Variants in SAMHD1 observed in about 807,000 individuals in gnomAD.
The protein encoded by SAMHD1 is deoxynucleoside triphosphate triphosphohydrolase SAMHD1.
Under a neutral mutation model 79.6 loss-of-function variants are expected in SAMHD1, and 54 were observed. The observed-to-expected ratio is 0.68, with a 90% CI of 0.55 to 0.85. The LOEUF is 0.85. Ranked by LOEUF, SAMHD1 falls within the 40% of genes least tolerant of loss-of-function variation. SAMHD1 has a pLI of 0.00. For synonymous variants in SAMHD1, 260 were observed against 264.1 expected (o/e 0.98, Z 0.15); for missense variants, 663 against 782.7 (o/e 0.85, Z 1.82).
intron 6 of SAMHD1, among the ~76,000 whole-genome samples, chr20:36,919,741 T>C (rs2063494837): frequency 6.6e-6 from 1 of 152,216 alleles, no homozygotes; most frequent in African/African-American, 2.4e-5. Context: ...TTCATAAACA[T>C]ATTTAATGCA....
intron 6 of SAMHD1, 168 bp downstream of exon 6, chr20:36,927,014 T>C (rs1476784087): frequency 1.6e-6 from 1 of 610,834 alleles, no homozygotes; most frequent in Non-Finnish European, 2.9e-6. Flanking sequence ...CAGACTACTG[T>C]GAGAACCAAA....
At chr20:36,906,238 G>T (rs370352498) in intron 11 of SAMHD1, among the ~76,000 whole-genome samples, 2 of 152,204 alleles carry the variant, frequency 1.3e-5, no homozygotes, top group South Asian at 4.1e-4. Context: ...AGGAGCTTGA[G>T]ACCAGCCTGG....
chr20:36,904,282 C>A (rs1421660956), intron 12 of SAMHD1, 33 bp from the exon 13 acceptor site: 4 of 1,420,278 alleles, frequency 2.8e-6, no homozygotes, highest in Non-Finnish European at 4.0e-6. Flanking sequence ...TGTTAGAATC[C>A]ATTTTTCATC....
At chr20:36,906,591 A>G (rs1358368640) in intron 11 of SAMHD1, among the ~76,000 whole-genome samples, 5 of 152,196 alleles carry the variant, frequency 3.3e-5, no homozygotes, top group Non-Finnish European at 1.5e-5. Context: ...TGACAGGTAC[A>G]TGGCTTTGTA....
intron 3 of SAMHD1, among the ~76,000 whole-genome samples, chr20:36,939,055 C>A (rs2063622656): frequency 8.0e-6 from 1 of 125,616 alleles, no homozygotes; most frequent in Admixed American, 8.9e-5. Context: ...CTGGTGAAAC[C>A]TTGCCTCTAC....
intron 2 of SAMHD1, among the ~76,000 whole-genome samples, chr20:36,944,318 CAA>C (rs34572620): frequency 2.5e-4 from 18 of 71,036 alleles, no homozygotes; most frequent in Admixed American, 3.2e-4. Context: ...GACTTCGTCT[CAA>C]AAAAAAAAAA....
chr20:36,896,003 T>C (rs1413973381), intron 15 of SAMHD1, among the ~76,000 whole-genome samples: 3 of 152,072 alleles, frequency 2.0e-5, no homozygotes, highest in Non-Finnish European at 2.9e-5. Flanking sequence ...TAAAGGAGGA[T>C]ATGTATAGGT....
rs149022238 is a variant in SAMHD1 at position 36,917,330 on chromosome 20, G to A, written c.853-281C>T. The stretch of plus-strand genomic sequence containing the variant: ...ACATTTCCCAAAACCAACAACTTTT[G>A]TGTTTTCTTGGTTTATAAGTTTTTG... On this transcript the variant is annotated intron_variant, in intron 7 of 15. Transcript: ENST00000646673. The A allele has an allele frequency of 1.3e-5, 5 of 375,576 alleles. No homozygotes were observed. In the East Asian group the frequency reaches 2.8e-4, roughly 21 times the overall value. 23.3% of individuals were successfully genotyped at this position (375,576 alleles called of 1,614,324 possible). A position where few individuals can be genotyped will look rare whatever the true frequency, so the allele number is the denominator to read the frequency against.
At chr20:36,934,136 G>A (rs1442981680) in intron 4 of SAMHD1, among the ~76,000 whole-genome samples, 2 of 151,966 alleles carry the variant, frequency 1.3e-5, no homozygotes, top group African/African-American at 2.4e-5. Flanking sequence ...AAATCCAACT[G>A]ACCTGTCTAT....
chr20:36,932,248 G>A (rs746051437), intron 4 of SAMHD1, among the ~76,000 whole-genome samples: 44 of 151,470 alleles, frequency 2.9e-4, no homozygotes, highest in Non-Finnish European at 5.9e-4. Context: ...CTACTTGGAA[G>A]GCTGAGGCAG....
intron 11 of SAMHD1, among the ~76,000 whole-genome samples, chr20:36,907,480 C>T (rs2063411680): frequency 6.6e-6 from 1 of 151,592 alleles, no homozygotes; most frequent in Non-Finnish European, 1.5e-5. Flanking sequence ...ATCTTCCTGC[C>T]TTAGTCTCTT....
At chr20:36,898,928 A>G (rs1029329549) in intron 13 of SAMHD1, among the ~76,000 whole-genome samples, 61 of 150,778 alleles carry the variant, frequency 4.0e-4, no homozygotes, top group Non-Finnish European at 6.6e-4. Flanking sequence ...AAAAAAAAAA[A>G]AAAGAAAGAA....
At chr20:36,945,359 G>T (rs1158779514) in intron 2 of SAMHD1, among the ~76,000 whole-genome samples, 2 of 152,104 alleles carry the variant, frequency 1.3e-5, no homozygotes, top group Non-Finnish European at 2.9e-5. Flanking sequence ...ACTAAAAAGT[G>T]CCTGTTTTGC....
chr20:36,921,214 G>GAC (rs2063501576), intron 6 of SAMHD1, among the ~76,000 whole-genome samples: 1 of 151,832 alleles, frequency 6.6e-6, no homozygotes, highest in East Asian at 1.9e-4. Context: ...CCAACATGGT[G>GAC]ACACCCCATC....
chr20:36,893,148 G>T, intron 15 of SAMHD1, 82 bp from the exon 16 acceptor site: 1 of 1,527,572 alleles, frequency 6.5e-7, no homozygotes, highest in Non-Finnish European at 9.0e-7. Context: ...TCTCAAGTGC[G>T]CACATCCTCA....
At chr20:36,899,144 C>T (rs1990254643) in intron 13 of SAMHD1, among the ~76,000 whole-genome samples, 2 of 149,484 alleles carry the variant, frequency 1.3e-5, no homozygotes, top group South Asian at 4.2e-4. Flanking sequence ...ACTAGAGGTA[C>T]AACAAGGACA....
intron 12 of SAMHD1, 75 bp from the exon 13 acceptor site, chr20:36,904,324 T>G: frequency 3.1e-6 from 3 of 983,590 alleles, no homozygotes; most frequent in Non-Finnish European, 3.3e-6. Context: ...GTTCTCTTTA[T>G]GAAAATGGCA....
intron 3 of SAMHD1, among the ~76,000 whole-genome samples, chr20:36,937,928 G>A (rs969345297): frequency 6.7e-6 from 1 of 150,282 alleles, no homozygotes; most frequent in African/African-American, 2.5e-5. Context: ...CGTGATCATG[G>A]CTCACTGAAG....
rs781594086 is a variant in SAMHD1 at position 36,906,853 on chromosome 20, G to A, written c.1271-1350C>T. Among the ~76,000 whole-genome samples, 63 of 151,404 alleles carry A rather than the reference G, an allele frequency of 4.2e-4. 1 individual carries two copies. The highest frequency in any genetic ancestry group is 5.7e-4 in the Non-Finnish European group (39 of 67,930). ...GTCACCCAAGTTGGAGTGCGGTGGCGTGATCTTGGCTCACTGCAACCTCTA... is the reference window on the plus strand; with the variant it reads ...GTCACCCAAGTTGGAGTGCGGTGGCATGATCTTGGCTCACTGCAACCTCTA... On this transcript the variant is annotated intron_variant, in intron 11 of 15. Transcript: ENST00000646673.
Sources: allele counts gnomAD v4.1 joint callset (sites outside exome capture counted in the v4.1 genomes callset), GRCh38; gene constraint gnomAD v4.1.1; transcripts MANE v1.5; gene names NCBI Gene and HGNC (gene_info 2026-07-23, HGNC 2026-07-21).